NRXN1: variants seen among roughly 807,000 people sequenced by gnomAD.
NRXN1 encodes the protein neurexin 1, also known as neurexin-1.
Under a neutral mutation model 150.9 loss-of-function variants are expected in NRXN1, and 39 were observed. That is an observed-to-expected ratio of 0.26 (90% CI 0.20 to 0.34). The LOEUF is 0.34. Among genes scored for constraint, NRXN1 ranks in the 10% least tolerant of loss-of-function variants. The pLI, the probability that NRXN1 is intolerant of heterozygous loss-of-function variation, is 1.00. For missense variants in NRXN1, 1,815 were observed against 1,949.9 expected (o/e 0.93, Z 1.30); for synonymous variants, 924 against 757.0 (o/e 1.22, Z -3.62).
intron 19 of NRXN1, among the ~76,000 whole-genome samples, chr2:50,084,615 G>T (rs1421536999): frequency 6.6e-6 from 1 of 152,164 alleles, no homozygotes; most frequent in Non-Finnish European, 1.5e-5. Flanking sequence ...CAGGCTGAGG[G>T]AACCGGCTCT....
At chr2:50,706,198 T>C (rs1694412452) in intron 5 of NRXN1, among the ~76,000 whole-genome samples, 1 of 152,136 alleles carries the variant, frequency 6.6e-6, no homozygotes, top group African/African-American at 2.4e-5. Context: ...TGTCAATCCT[T>C]CAAAAGCATT....
At chr2:50,429,666 C>CA (rs745541985) in intron 17 of NRXN1, among the ~76,000 whole-genome samples, 60 of 151,868 alleles carry the variant, frequency 4.0e-4, no homozygotes, top group African/African-American at 5.5e-4. Flanking sequence ...TCTTTTTTTA[C>CA]AAAAAAATCC....
chr2:50,602,987 A>C (rs1285854585), intron 8 of NRXN1, among the ~76,000 whole-genome samples: 2 of 151,998 alleles, frequency 1.3e-5, no homozygotes, highest in Non-Finnish European at 2.9e-5. Context: ...GCAGTCAAAA[A>C]CTCTCCTAGA....
At chr2:50,058,684 C>G (rs1198571433) in intron 19 of NRXN1, among the ~76,000 whole-genome samples, 2 of 152,184 alleles carry the variant, frequency 1.3e-5, no homozygotes, top group East Asian at 1.9e-4. Flanking sequence ...ATAATCCCTA[C>G]AAGTGGCAGG....
At chr2:50,203,793 T>C (rs1162554770) in intron 18 of NRXN1, among the ~76,000 whole-genome samples, 1 of 152,202 alleles carries the variant, frequency 6.6e-6, no homozygotes, top group Non-Finnish European at 1.5e-5. Context: ...AATCAATAGT[T>C]CTTTTCTTCT....
intron 17 of NRXN1, among the ~76,000 whole-genome samples, chr2:50,419,971 T>C (rs537447937): frequency 5.3e-5 from 8 of 152,020 alleles, no homozygotes; most frequent in African/African-American, 1.2e-4. Flanking sequence ...GAACACGTGA[T>C]CTGGCCAGCC....
chr2:50,723,875 G>A (rs1323743896), intron 5 of NRXN1, among the ~76,000 whole-genome samples: 3 of 152,158 alleles, frequency 2.0e-5, no homozygotes, highest in Non-Finnish European at 2.9e-5. Flanking sequence ...TTCCTAGTGT[G>A]CACTGAAAAA....
intron 5 of NRXN1, among the ~76,000 whole-genome samples, chr2:50,818,000 G>A (rs550922625): frequency 6.6e-6 from 1 of 150,386 alleles, no homozygotes; most frequent in African/African-American, 2.4e-5. Flanking sequence ...GTCCCAGCTA[G>A]AGCAATGAAG....
At chr2:50,102,343 G>A (rs558739036) in intron 18 of NRXN1, among the ~76,000 whole-genome samples, 26 of 151,974 alleles carry the variant, frequency 1.7e-4, no homozygotes, top group Non-Finnish European at 3.5e-4. Flanking sequence ...GATAAAATGT[G>A]TGTTGCTGGT....
At chr2:51,010,145 G>C (rs1667616412) in intron 2 of NRXN1, among the ~76,000 whole-genome samples, 5 of 151,950 alleles carry the variant, frequency 3.3e-5, no homozygotes, top group Admixed American at 3.3e-4. Context: ...CTATTGGTTT[G>C]ACATTTCAAA....
intron 5 of NRXN1, among the ~76,000 whole-genome samples, chr2:50,669,738 A>G (rs1448741704): frequency 6.6e-6 from 1 of 151,700 alleles, no homozygotes; most frequent in South Asian, 2.1e-4. Flanking sequence ...ATATATATGT[A>G]GAGATCTGAG....
At chr2:50,578,975 C>G (rs1274882539) in intron 8 of NRXN1, among the ~76,000 whole-genome samples, 1 of 152,196 alleles carries the variant, frequency 6.6e-6, no homozygotes, top group Non-Finnish European at 1.5e-5. Flanking sequence ...GTAACCATCA[C>G]TTCTTACCTG....
rs150425419 is a variant in NRXN1, at chr2:50,325,196, A to G, written c.3365-88226T>C. The stretch of plus-strand genomic sequence containing the variant: ...AATCAGAATGGATGAAAACAACAAT[A>G]AAACAATGTAGTCCAGTGACATAAA... On this transcript the variant is annotated intron_variant, in intron 17 of 22. Coordinates refer to ENST00000401669, the MANE Select transcript of NRXN1 (RefSeq NM_001330078.2). Among the ~76,000 whole-genome samples, 150 of 152,356 alleles carry G rather than the reference A, an allele frequency of 9.8e-4. 2 individuals carry two copies. The highest frequency in any genetic ancestry group is 1.9e-3 in the Non-Finnish European group (130 of 68,042).
chr2:50,479,655 A>C (rs561872909), intron 15 of NRXN1, among the ~76,000 whole-genome samples: 2 of 152,130 alleles, frequency 1.3e-5, no homozygotes, highest in African/African-American at 4.8e-5. Flanking sequence ...CAATAAGGAC[A>C]CAGGGAAGGT....
intron 18 of NRXN1, among the ~76,000 whole-genome samples, chr2:50,171,554 G>A (rs2060033283): frequency 1.3e-5 from 2 of 152,226 alleles, no homozygotes; most frequent in African/African-American, 2.4e-5. Flanking sequence ...CACTCTGATA[G>A]CAGTCATTAG....
intron 21 of NRXN1, among the ~76,000 whole-genome samples, chr2:50,045,168 A>G (rs552795306): frequency 6.6e-6 from 1 of 151,698 alleles, no homozygotes; most frequent in Non-Finnish European, 1.5e-5. Flanking sequence ...AACAACAACA[A>G]CAACAACAAC....
chr2:49,997,191 C>T (rs1456049137), intron 21 of NRXN1, among the ~76,000 whole-genome samples: 2 of 152,006 alleles, frequency 1.3e-5, no homozygotes, highest in African/African-American at 4.8e-5. Context: ...TTCATGCCTC[C>T]TGCTTGAAGA....
intron 21 of NRXN1, among the ~76,000 whole-genome samples, chr2:49,950,578 C>T (rs1673752248): frequency 6.6e-6 from 1 of 151,980 alleles, no homozygotes; most frequent in Non-Finnish European, 1.5e-5. Context: ...TGTTCTCTCT[C>T]TGTTCTGAGG....
chr2:50,951,673 C>A (rs1282645982), intron 2 of NRXN1, among the ~76,000 whole-genome samples: 1 of 151,998 alleles, frequency 6.6e-6, no homozygotes, highest in Non-Finnish European at 1.5e-5. Flanking sequence ...CATTAGTGTG[C>A]AAATGTAGCT....
Sources: allele counts gnomAD v4.1 joint callset (sites outside exome capture counted in the v4.1 genomes callset), GRCh38; gene constraint gnomAD v4.1.1; transcripts MANE v1.5; gene names NCBI Gene and HGNC (gene_info 2026-07-23, HGNC 2026-07-21).